The following PRDM16 variants were observed in gnomAD, a reference collection of about 807,000 sequenced individuals.
The protein encoded by PRDM16 is histone-lysine N-methyltransferase PRDM16.
Under a neutral mutation model 110.6 loss-of-function variants are expected in PRDM16, and 23 were observed. The observed-to-expected ratio is 0.21, with a 90% CI of 0.15 to 0.29. The LOEUF (loss-of-function observed/expected upper bound fraction) is 0.29, where lower values mean the gene tolerates loss of function less well. Among genes scored for constraint, PRDM16 ranks in the 10% least tolerant of loss-of-function variants. The pLI, the probability that PRDM16 is intolerant of heterozygous loss-of-function variation, is 1.00. For missense variants in PRDM16, 1,615 were observed against 1,794.3 expected (o/e 0.90, Z 1.81); for synonymous variants, 799 against 781.8 (o/e 1.02, Z -0.37).
At chr1:3,127,222 C>A (rs755821841) in intron 1 of PRDM16, among the ~76,000 whole-genome samples, 1 of 152,238 alleles carries the variant, frequency 6.6e-6, no homozygotes, top group Admixed American at 6.5e-5. Context: ...CCTCGCTTGA[C>A]CTCTCATGGT....
chr1:3,219,385 A>G (rs1466524622), intron 2 of PRDM16, among the ~76,000 whole-genome samples: 1 of 152,168 alleles, frequency 6.6e-6, no homozygotes, highest in East Asian at 1.9e-4. Context: ...CCACAGCGCT[A>G]AATTACTCAC....
At chr1:3,146,128 G>C (rs1458104893) in intron 1 of PRDM16, among the ~76,000 whole-genome samples, 1 of 152,228 alleles carries the variant, frequency 6.6e-6, no homozygotes, top group African/African-American at 2.4e-5. Context: ...TCAGGGCTCT[G>C]CTGCACTGCA....
At chr1:3,150,032 T>C (rs1216538014) in intron 1 of PRDM16, among the ~76,000 whole-genome samples, 1 of 152,178 alleles carries the variant, frequency 6.6e-6, no homozygotes, top group African/African-American at 2.4e-5. Context: ...CCATCTCCTG[T>C]CATGGCTCCT....
At chr1:3,389,276 C>T (rs977601940) in intron 4 of PRDM16, among the ~76,000 whole-genome samples, 3 of 152,180 alleles carry the variant, frequency 2.0e-5, no homozygotes, top group African/African-American at 7.2e-5. Context: ...GCCTCATGGA[C>T]GGAGGCAGGA....
chr1:3,271,076 C>T (rs1044357950), intron 3 of PRDM16, among the ~76,000 whole-genome samples: 2 of 152,188 alleles, frequency 1.3e-5, no homozygotes, highest in Non-Finnish European at 2.9e-5. Flanking sequence ...GGCCTGCCTG[C>T]CCCGCCACGT....
At chr1:3,116,991 T>TC (rs1233981794) in intron 1 of PRDM16, among the ~76,000 whole-genome samples, 1 of 152,184 alleles carries the variant, frequency 6.6e-6, no homozygotes, top group African/African-American at 2.4e-5. Flanking sequence ...CCTGGAAGTA[T>TC]AGAAAGTGAG....
intron 14 of PRDM16, among the ~76,000 whole-genome samples, chr1:3,429,766 A>G (rs1040910598): frequency 9.2e-5 from 14 of 152,260 alleles, no homozygotes; most frequent in African/African-American, 3.1e-4. Flanking sequence ...CCTGGAAGGC[A>G]GAAAGACAAG....
At chr1:3,101,033 G>C (rs907175857) in intron 1 of PRDM16, among the ~76,000 whole-genome samples, 1 of 152,154 alleles carries the variant, frequency 6.6e-6, no homozygotes, top group African/African-American at 2.4e-5. Flanking sequence ...TCCCTAATGG[G>C]GGATGCCCTC....
intron 2 of PRDM16, among the ~76,000 whole-genome samples, chr1:3,223,480 C>T (rs972231312): frequency 2.6e-5 from 4 of 152,168 alleles, no homozygotes; most frequent in East Asian, 1.9e-4. Context: ...CGCTCACCCC[C>T]GGCATGCAGG....
At chr1:3,313,292 C>G (rs1037302812) in intron 3 of PRDM16, among the ~76,000 whole-genome samples, 1 of 152,256 alleles carries the variant, frequency 6.6e-6, no homozygotes, top group African/African-American at 2.4e-5. Context: ...CCCCACTCGC[C>G]GTCACGATGA....
Position 3,426,155 on chromosome 1 carries a change from T to C in PRDM16, c.3214T>C (p.Tyr1072His). 6.2e-7 allele frequency: 1 copy of C among 1,613,872 alleles called. No individual in the cohort carries two copies. Residue 1072 changes from tyrosine to histidine, a missense_variant, in exon 14 of 17, where the codon TAT (tyrosine) becomes CAT (histidine). Physicochemically the swap from Tyr to His is moderately conservative, Grantham distance 83. Around this residue, in one of 5 missense-constraint regions of PRDM16, gnomAD observed 327 missense variants for 359.3 expected, o/e 0.91. Transcript: ENST00000270722. ...HALLDEKEDS[Y>H]FSEIRNFIAN... is the part of the protein sequence containing the mutation. ...ACTTTTAGACGAGAAAGAAGACTCT[T>C]ATTTCTCGGAAATCAGAAACTTTAT...
Position 3,175,509 on chromosome 1 carries a change from C to T in PRDM16, c.38-10616C>T, listed in dbSNP as rs1017011521. Among the ~76,000 whole-genome samples the T allele has an allele frequency of 2.0e-5, 3 of 152,154 alleles. No homozygotes were observed. Among genetic ancestry groups the T allele is most frequent in the East Asian group, 1.9e-4 (1 of 5,184 alleles). ...TTCACTGCTCATGGGGACTCATAGG[C>T]ACCCAGTTGGGGGAACATTCTCCAG... is the stretch of plus-strand genomic sequence containing the variant. On this transcript the variant is annotated intron_variant, in intron 1 of 16. Transcript: ENST00000270722. The surrounding 1 kb of genome is among the most constrained non-coding windows in gnomAD (Gnocchi z 4.8).
At chr1:3,218,812 G>A (rs1467212922) in intron 2 of PRDM16, among the ~76,000 whole-genome samples, 5 of 152,206 alleles carry the variant, frequency 3.3e-5, no homozygotes, top group African/African-American at 7.2e-5. Context: ...CACGCTCAGC[G>A]GACAAGGTGG....
At position 3,095,078 on chromosome 1, in the gene PRDM16, G is replaced by A. The variant is rs553281712; in HGVS notation, c.37+25782G>A. ...GATGATGAGCCAGGCTTGTCCTGACGGGGCACTGGCCCAGGCGAGCAGCCA... is the reference window on the plus strand; with the variant it reads ...GATGATGAGCCAGGCTTGTCCTGACAGGGCACTGGCCCAGGCGAGCAGCCA... On this transcript the variant is annotated intron_variant, in intron 1 of 16. Coordinates refer to ENST00000270722, the MANE Select transcript of PRDM16 (RefSeq NM_022114.4). Among the ~76,000 whole-genome samples, 10 of 152,340 alleles carry A rather than the reference G, an allele frequency of 6.6e-5. No homozygotes were observed. In the East Asian group the frequency reaches 1.2e-3, roughly 18 times the overall value.
chr1:3,385,392 TG>T, intron 4 of PRDM16, 106 bp downstream of exon 4: 1 of 1,248,772 alleles, frequency 8.0e-7, no homozygotes. Flanking sequence ...TGAGCCTCTT[TG>T]GGGACATCTG....
intron 2 of PRDM16, among the ~76,000 whole-genome samples, chr1:3,242,387 C>T (rs72632108): frequency 0.043 from 6,475 of 152,314 alleles, 155 homozygotes; most frequent in Middle Eastern, 0.051. Context: ...CTCACTACGG[C>T]GGGATCTGTC....
intron 1 of PRDM16, among the ~76,000 whole-genome samples, chr1:3,132,349 G>C (rs1175867737): frequency 6.6e-6 from 1 of 152,214 alleles, no homozygotes; most frequent in Non-Finnish European, 1.5e-5. Context: ...GCTGGGTGGA[G>C]GGTGGATGGG....
intron 3 of PRDM16, among the ~76,000 whole-genome samples, chr1:3,277,747 GCACA>G (rs1421231237): frequency 7.9e-6 from 1 of 126,488 alleles, no homozygotes; most frequent in Non-Finnish European, 1.9e-5. Context: ...ACACGCACAC[GCACA>G]CACATGCACA....
chr1:3,373,378 G>A (rs1043594871), intron 3 of PRDM16, among the ~76,000 whole-genome samples: 2 of 152,194 alleles, frequency 1.3e-5, no homozygotes, highest in Non-Finnish European at 2.9e-5. Flanking sequence ...CCACATCTGG[G>A]CAAGTAGACA....
Sources: gnomAD v4.1 joint callset for allele counts (sites outside exome capture counted in the v4.1 genomes callset) on GRCh38, gnomAD v4.1.1 for gene constraint, gnomAD v4.1.1 regional missense constraint, Gnocchi (gnomAD v3.1) non-coding constraint, MANE v1.5 for transcripts, NCBI Gene and HGNC (gene_info 2026-07-23, HGNC 2026-07-21) for gene names.